FAF1: variants seen among roughly 807,000 people sequenced by gnomAD.
FAF1 encodes the protein FAS-associated factor 1.
Under a neutral mutation model 92.5 loss-of-function variants are expected in FAF1, and 25 were observed. The observed-to-expected ratio is 0.27, with a 90% CI of 0.20 to 0.38. FAF1 has a LOEUF of 0.38. Among genes scored for constraint, FAF1 ranks in the 10% least tolerant of loss-of-function variants. FAF1 has a pLI of 1.00. For synonymous variants in FAF1, 234 were observed against 273.2 expected, an observed-to-expected ratio of 0.86 and a Z score of 1.42; for missense variants, 636 against 793.3, an observed-to-expected ratio of 0.80 and a Z score of 2.38.
intron 18 of FAF1, among the ~76,000 whole-genome samples, chr1:50,446,615 A>G (rs1646230541): frequency 6.6e-6 from 1 of 152,228 alleles, no homozygotes. Flanking sequence ...CAGCAGCAAT[A>G]CTTGCATAGC....
At chr1:50,495,301 A>T (rs925367945) in intron 15 of FAF1, among the ~76,000 whole-genome samples, 1 of 152,024 alleles carries the variant, frequency 6.6e-6, no homozygotes, top group African/African-American at 2.4e-5. Flanking sequence ...TCTACTCTCT[A>T]TCTCCATGTG....
At chr1:50,713,563 C>T (rs905700041) in intron 6 of FAF1, among the ~76,000 whole-genome samples, 2 of 151,976 alleles carry the variant, frequency 1.3e-5, no homozygotes, top group African/African-American at 2.4e-5. Flanking sequence ...CATGAGCCAT[C>T]GCGTCCGGCC....
At chr1:50,906,165 G>T (rs902706135) in intron 1 of FAF1, among the ~76,000 whole-genome samples, 1 of 152,058 alleles carries the variant, frequency 6.6e-6, no homozygotes, top group Non-Finnish European at 1.5e-5. Flanking sequence ...TTTTTATCAG[G>T]TTTGTCAAAG....
At chr1:50,753,739 CT>C (rs1309689325) in intron 4 of FAF1, among the ~76,000 whole-genome samples, 1 of 150,514 alleles carries the variant, frequency 6.6e-6, no homozygotes, top group Non-Finnish European at 1.5e-5. Flanking sequence ...AATAACTGCT[CT>C]AATGTCATTA....
At chr1:50,845,921 G>A (rs181963019) in intron 2 of FAF1, among the ~76,000 whole-genome samples, 5 of 152,076 alleles carry the variant, frequency 3.3e-5, no homozygotes, top group South Asian at 2.1e-4. Context: ...TCAGGAGTTC[G>A]AGAACAACCT....
At chr1:50,653,055 T>A (rs1472881294) in intron 8 of FAF1, among the ~76,000 whole-genome samples, 1 of 152,150 alleles carries the variant, frequency 6.6e-6, no homozygotes, top group East Asian at 1.9e-4. Flanking sequence ...ACATTTCTGT[T>A]TTCTTCATGC....
chr1:50,629,796 C>T (rs765712646), intron 8 of FAF1, among the ~76,000 whole-genome samples: 1 of 152,018 alleles, frequency 6.6e-6, no homozygotes, highest in Non-Finnish European at 1.5e-5. Context: ...CAGTGGCTCA[C>T]GCCTGTAATC....
intron 7 of FAF1, among the ~76,000 whole-genome samples, chr1:50,692,241 CTGTGTG>C (rs59187392): frequency 0.098 from 12,587 of 128,890 alleles, 768 homozygotes; most frequent in African/African-American, 0.19. Flanking sequence ...GAAGTATTTA[CTGTGTG>C]TGTGTGTGTG....
intron 1 of FAF1, among the ~76,000 whole-genome samples, chr1:50,952,378 A>G (rs551234853): frequency 7.2e-5 from 11 of 152,302 alleles, no homozygotes; most frequent in African/African-American, 2.6e-4. Context: ...CCGAGGTGTC[A>G]AGATTGCAGA....
chr1:50,647,559 G>C (rs1654651865), intron 8 of FAF1, among the ~76,000 whole-genome samples: 1 of 152,044 alleles, frequency 6.6e-6, no homozygotes, highest in Non-Finnish European at 1.5e-5. Flanking sequence ...TAACAGAGTT[G>C]TTCCACAAAT....
At chr1:50,866,578 A>G (rs1644483414) in intron 1 of FAF1, among the ~76,000 whole-genome samples, 1 of 152,030 alleles carries the variant, frequency 6.6e-6, no homozygotes, top group African/African-American at 2.4e-5. Flanking sequence ...CGAGAACTCA[A>G]CCCCCTTTAA....
chr1:50,482,031 A>G (rs2149002876), intron 17 of FAF1, among the ~76,000 whole-genome samples: 1 of 152,300 alleles, frequency 6.6e-6, no homozygotes, highest in East Asian at 1.9e-4. Context: ...ATATACAGCA[A>G]ACTCTATCCT....
intron 1 of FAF1, among the ~76,000 whole-genome samples, chr1:50,934,388 T>C (rs1339544968): frequency 6.6e-6 from 1 of 152,200 alleles, no homozygotes; most frequent in Non-Finnish European, 1.5e-5. Flanking sequence ...TCTTATAATA[T>C]GCAGGTCTGT....
chr1:50,931,711 C>T (rs1645048354), intron 1 of FAF1, among the ~76,000 whole-genome samples: 1 of 151,556 alleles, frequency 6.6e-6, no homozygotes, highest in South Asian at 2.1e-4. Flanking sequence ...ACTAAAAATA[C>T]AACAACAACA....
At chr1:50,561,787 C>A (rs556242629) in intron 13 of FAF1, among the ~76,000 whole-genome samples, 1 of 151,822 alleles carries the variant, frequency 6.6e-6, no homozygotes, top group Non-Finnish European at 1.5e-5. Context: ...ATTGCGCCAC[C>A]GCACTCCAGC....
chr1:50,628,964 G>A (rs967177946), intron 8 of FAF1, among the ~76,000 whole-genome samples: 3 of 152,074 alleles, frequency 2.0e-5, no homozygotes, highest in African/African-American at 7.2e-5. Flanking sequence ...ATATAATTCA[G>A]TTTGCTCAAC....
At chr1:50,444,302 C>G (rs562762937) in intron 18 of FAF1, among the ~76,000 whole-genome samples, 1 of 152,304 alleles carries the variant, frequency 6.6e-6, no homozygotes, top group East Asian at 1.9e-4. Flanking sequence ...AGCCTAAAAG[C>G]TATGTTCTCC....
intron 1 of FAF1, among the ~76,000 whole-genome samples, chr1:50,920,394 C>A (rs1427082057): frequency 6.6e-6 from 1 of 151,978 alleles, no homozygotes; most frequent in Non-Finnish European, 1.5e-5. Flanking sequence ...GTAGGTACAG[C>A]CCCAAGTACT....
intron 8 of FAF1, among the ~76,000 whole-genome samples, chr1:50,614,113 A>T (rs763255330): frequency 1.3e-5 from 2 of 152,056 alleles, no homozygotes; most frequent in African/African-American, 2.4e-5. Context: ...AAGAAAAAAA[A>T]CACACACAAA....
Sources: allele counts gnomAD v4.1 joint callset (sites outside exome capture counted in the v4.1 genomes callset), GRCh38; gene constraint gnomAD v4.1.1; transcripts MANE v1.5; gene names NCBI Gene and HGNC (gene_info 2026-07-23, HGNC 2026-07-21).